SGCZ: variants seen among roughly 807,000 people sequenced by gnomAD.
SGCZ encodes the protein sarcoglycan zeta, also known as zeta-sarcoglycan.
In SGCZ, 40 loss-of-function variants were observed where a neutral mutation model predicts 41.3. The ratio of observed to expected loss-of-function variants is 0.97; its 90% CI spans 0.75 to 1.26. The LOEUF is 1.26. Ranked by LOEUF, SGCZ falls within the 50% of genes most tolerant of loss-of-function variation. The pLI is 0.00. For missense variants in SGCZ, 552 were observed against 369.8 expected (o/e 1.49, Z -4.04); for synonymous variants, 206 against 137.5 (o/e 1.50, Z -3.49).
At chr8:14,143,435 C>G (rs540525775) in intron 5 of SGCZ, among the ~76,000 whole-genome samples, 6 of 152,208 alleles carry the variant, frequency 3.9e-5, no homozygotes, top group African/African-American at 1.4e-4. Flanking sequence ...AATGTGAAAA[C>G]AATTTTCTAT....
At chr8:14,615,265 A>G (rs1243258274) in intron 1 of SGCZ, among the ~76,000 whole-genome samples, 1 of 152,210 alleles carries the variant, frequency 6.6e-6, no homozygotes, top group African/African-American at 2.4e-5. Context: ...TCAAACTAAG[A>G]ATATAGCAAA....
chr8:14,181,496 A>G (rs1804725029), intron 4 of SGCZ, among the ~76,000 whole-genome samples: 1 of 152,226 alleles, frequency 6.6e-6, no homozygotes, highest in Non-Finnish European at 1.5e-5. Flanking sequence ...ATAAGCTCTT[A>G]AAGGCGTTAC....
intron 2 of SGCZ, among the ~76,000 whole-genome samples, chr8:14,552,590 G>C (rs906119258): frequency 6.6e-6 from 1 of 151,924 alleles, no homozygotes. Flanking sequence ...TTATCCCCAG[G>C]ACCATGTTGC....
At chr8:15,051,657 C>A (rs78325445) in intron 1 of SGCZ, among the ~76,000 whole-genome samples, 3 of 152,034 alleles carry the variant, frequency 2.0e-5, no homozygotes, top group African/African-American at 7.2e-5. Context: ...TCTTGCCCAC[C>A]GTTGGTGTTA....
chr8:14,485,940 C>G (rs1422788388), intron 2 of SGCZ, among the ~76,000 whole-genome samples: 5 of 150,310 alleles, frequency 3.3e-5, no homozygotes, highest in Non-Finnish European at 7.4e-5. Context: ...TTCCCGGGTT[C>G]GCGCCATTCT....
At chr8:14,840,407 T>C (rs535122815) in intron 1 of SGCZ, among the ~76,000 whole-genome samples, 30 of 152,256 alleles carry the variant, frequency 2.0e-4, no homozygotes, top group Admixed American at 1.8e-3. Context: ...TATGAATTAA[T>C]CACGTTTCAG....
At chr8:14,360,636 T>G (rs569481632) in intron 2 of SGCZ, among the ~76,000 whole-genome samples, 1 of 152,210 alleles carries the variant, frequency 6.6e-6, no homozygotes, top group African/African-American at 2.4e-5. Context: ...GTTTATTTAT[T>G]TATTTATTTA....
At chr8:14,956,246 G>A (rs1800788756) in intron 1 of SGCZ, among the ~76,000 whole-genome samples, 1 of 151,700 alleles carries the variant, frequency 6.6e-6, no homozygotes, top group Non-Finnish European at 1.5e-5. Flanking sequence ...CACCCTGTTG[G>A]CCAGCATGGT....
At chr8:14,872,695 A>T (rs1396203624) in intron 1 of SGCZ, among the ~76,000 whole-genome samples, 1 of 152,108 alleles carries the variant, frequency 6.6e-6, no homozygotes, top group East Asian at 1.9e-4. Flanking sequence ...CATCAACTAA[A>T]CTAACTTGTC....
At chr8:14,858,222 TTAA>T (rs1400042012) in intron 1 of SGCZ, among the ~76,000 whole-genome samples, 1 of 151,888 alleles carries the variant, frequency 6.6e-6, no homozygotes, top group African/African-American at 2.4e-5. Flanking sequence ...TATATACATA[TTAA>T]TGAGAAATTA....
Position 14,572,619 on chromosome 8 carries a change from C to T in SGCZ, c.40-17693G>A, listed in dbSNP as rs569017708. Among the ~76,000 whole-genome samples the T allele has an allele frequency of 4.6e-5, 7 of 152,252 alleles. No homozygotes were observed. The East Asian group carries it at 1.4e-3, about 29-fold the overall frequency. On this transcript the variant is annotated intron_variant, in intron 1 of 7. Transcript: ENST00000382080. ...GAGACATAGGAGGAGGCTTTTGATT[C>T]CTGAACTCACTTTCAAAGCCATACC... is the stretch of plus-strand genomic sequence containing the variant.
At chr8:14,394,847 A>C (rs919129128) in intron 2 of SGCZ, among the ~76,000 whole-genome samples, 7 of 152,110 alleles carry the variant, frequency 4.6e-5, no homozygotes, top group Admixed American at 4.6e-4. Flanking sequence ...AAATGTTGGA[A>C]CCATTCATGC....
At chr8:14,808,546 G>C (rs1585279335) in intron 1 of SGCZ, among the ~76,000 whole-genome samples, 6 of 152,300 alleles carry the variant, frequency 3.9e-5, no homozygotes, top group Middle Eastern at 3.4e-3. Flanking sequence ...TCTCACACTA[G>C]TTAGAATGGC....
At chr8:14,300,963 C>G (rs1338078118) in intron 3 of SGCZ, among the ~76,000 whole-genome samples, 2 of 151,822 alleles carry the variant, frequency 1.3e-5, no homozygotes, top group African/African-American at 4.8e-5. Context: ...ATGCAGCCAG[C>G]CTCCAACCAG....
intron 1 of SGCZ, among the ~76,000 whole-genome samples, chr8:14,983,607 G>A (rs974972460): frequency 6.6e-6 from 1 of 152,010 alleles, no homozygotes; most frequent in African/African-American, 2.4e-5. Context: ...GGCCTCTCAA[G>A]GTGCTAGGAT....
chr8:14,717,172 T>C (rs1037936065), intron 1 of SGCZ, among the ~76,000 whole-genome samples: 2 of 151,934 alleles, frequency 1.3e-5, no homozygotes, highest in African/African-American at 4.8e-5. Context: ...TTTAGAAAAA[T>C]TTTTCTAGAT....
chr8:14,221,473 T>C (rs1806191673), intron 4 of SGCZ, among the ~76,000 whole-genome samples: 1 of 152,168 alleles, frequency 6.6e-6, no homozygotes, highest in Admixed American at 6.5e-5. Context: ...ATCTCTTAAG[T>C]CAAAATAATA....
chr8:14,233,043 T>C lies in SGCZ; in HGVS notation c.424+4549A>G, dbSNP rs532814890. 8.5e-5 allele frequency among the ~76,000 whole-genome samples: 13 copies of C among 152,110 alleles called. No individual in the cohort carries two copies. In the East Asian group the frequency reaches 9.6e-4, roughly 11 times the overall value. On this transcript the variant is annotated intron_variant, in intron 4 of 7. Coordinates refer to ENST00000382080, the MANE Select transcript of SGCZ (RefSeq NM_139167.4). ...GCCATAATAAGTATCTCAAAAGTCATTGGGACTAGAATTTAAATGAGGAAT... is the reference window on the plus strand; with the variant it reads ...GCCATAATAAGTATCTCAAAAGTCACTGGGACTAGAATTTAAATGAGGAAT...
At chr8:15,042,700 C>A (rs1430182903) in intron 1 of SGCZ, among the ~76,000 whole-genome samples, 1 of 152,154 alleles carries the variant, frequency 6.6e-6, no homozygotes, top group South Asian at 2.1e-4. Context: ...CCTTTATGCA[C>A]ATGTCTAAAT....
Sources: gnomAD v4.1 joint callset for allele counts (sites outside exome capture counted in the v4.1 genomes callset) on GRCh38, gnomAD v4.1.1 for gene constraint, MANE v1.5 for transcripts, NCBI Gene and HGNC (gene_info 2026-07-23, HGNC 2026-07-21) for gene names.